The following STK39 variants were observed in gnomAD, a reference collection of about 807,000 sequenced individuals.
STK39 encodes STE20/SPS1-related proline-alanine-rich protein kinase.
STK39 carries 20 observed loss-of-function variants against 77.8 expected under a neutral mutation model. That is an observed-to-expected ratio of 0.26 (90% CI 0.18 to 0.37). The LOEUF is 0.37. Ranked by LOEUF, STK39 falls within the 10% of genes least tolerant of loss-of-function variation. The pLI is 1.00. For synonymous variants in STK39, 246 were observed against 234.1 expected (o/e 1.05, Z -0.47); for missense variants, 479 against 656.5 (o/e 0.73, Z 2.95).
At position 167,962,518 on chromosome 2, in the gene STK39, G is replaced by A. The variant is rs183961622; in HGVS notation, c.1563+2144C>T. Among the ~76,000 whole-genome samples the A allele has an allele frequency of 2.8e-3, 427 of 152,288 alleles. 1 individual carries two copies. Among genetic ancestry groups the A allele is most frequent in the Non-Finnish European group, 3.8e-3 (259 of 68,028 alleles). The stretch of plus-strand genomic sequence containing the variant: ...TTCGTTAACCATCTTTATCTTTGGG[G>A]AGAATAAGCCATCAATTTCCATTTA... On this transcript the variant is annotated intron_variant, in intron 17 of 17. Coordinates refer to ENST00000355999, the MANE Select transcript of STK39 (RefSeq NM_013233.3).
intron 10 of STK39, among the ~76,000 whole-genome samples, chr2:168,115,183 A>AG (rs2105477383): frequency 1.3e-5 from 2 of 152,360 alleles, no homozygotes; most frequent in East Asian, 3.9e-4. Context: ...CTGTAGATCT[A>AG]GGAAAAAAAA....
chr2:167,993,188 T>C (rs562744665), intron 16 of STK39, among the ~76,000 whole-genome samples: 29 of 152,358 alleles, frequency 1.9e-4, no homozygotes, highest in East Asian at 7.7e-4. Flanking sequence ...GGGAGTACTA[T>C]AGAGCTGGCA....
chr2:168,168,230 A>T (rs1688736650), intron 2 of STK39, among the ~76,000 whole-genome samples: 1 of 152,220 alleles, frequency 6.6e-6, no homozygotes, highest in Non-Finnish European at 1.5e-5. Flanking sequence ...ACATAAAACA[A>T]CAAAGCTGAG....
chr2:168,102,657 C>T (rs908553793), intron 10 of STK39, among the ~76,000 whole-genome samples: 6 of 152,032 alleles, frequency 3.9e-5, no homozygotes, highest in African/African-American at 1.2e-4. Context: ...CAGCCAGGTG[C>T]GGTGGCTCAC....
intron 1 of STK39, among the ~76,000 whole-genome samples, chr2:168,226,100 A>G (rs1574572599): frequency 6.6e-6 from 1 of 152,194 alleles, no homozygotes; most frequent in African/African-American, 2.4e-5. Flanking sequence ...ATGCACAGAT[A>G]GTAGGTAAGA....
At chr2:168,227,984 G>A (rs1386460326) in intron 1 of STK39, among the ~76,000 whole-genome samples, 1 of 152,128 alleles carries the variant, frequency 6.6e-6, no homozygotes, top group African/African-American at 2.4e-5. Flanking sequence ...AATCAACGAA[G>A]TGCCAAATAT....
chr2:168,165,771 AAG>A (rs1574519430), intron 3 of STK39, among the ~76,000 whole-genome samples: 2 of 151,674 alleles, frequency 1.3e-5, no homozygotes, highest in Non-Finnish European at 2.9e-5. Flanking sequence ...TGCTTGATCC[AAG>A]AGAGTTTCCT....
At chr2:168,045,816 C>T (rs1685224991) in intron 14 of STK39, among the ~76,000 whole-genome samples, 1 of 152,162 alleles carries the variant, frequency 6.6e-6, no homozygotes, top group East Asian at 1.9e-4. Flanking sequence ...CATCTGACTC[C>T]TCCAACTCCT....
At chr2:168,211,164 T>C (rs1010053195) in intron 1 of STK39, among the ~76,000 whole-genome samples, 46 of 152,162 alleles carry the variant, frequency 3.0e-4, no homozygotes, top group African/African-American at 1.0e-3. Context: ...TAGCTATAAA[T>C]CTAGACAATA....
intron 2 of STK39, among the ~76,000 whole-genome samples, chr2:168,176,585 A>G (rs1688961757): frequency 6.6e-6 from 1 of 152,224 alleles, no homozygotes; most frequent in Non-Finnish European, 1.5e-5. Context: ...AAACAACGCT[A>G]CAGCAGAAAG....
rs116321783 is a variant in STK39 at position 168,010,662 on chromosome 2, T to C, written c.1498+1972A>G. On this transcript the variant is annotated intron_variant, in intron 16 of 17. Transcript: ENST00000355999. ...ACTTGGCAAAGGAGTTGGAGCTTCA[T>C]TGTGAAATCAATGTGTAGAGTTAAT... is the stretch of plus-strand genomic sequence containing the variant. Among the ~76,000 whole-genome samples, 1,217 of 152,350 alleles carry C rather than the reference T, an allele frequency of 8.0e-3. 7 individuals are homozygous for C. Among genetic ancestry groups the C allele is most frequent in the Non-Finnish European group, 0.012 (828 of 68,026 alleles).
At chr2:168,139,643 A>G (rs1687928931) in intron 7 of STK39, among the ~76,000 whole-genome samples, 1 of 152,140 alleles carries the variant, frequency 6.6e-6, no homozygotes, top group South Asian at 2.1e-4. Flanking sequence ...ATCATAGACC[A>G]TACTCTATGT....
intron 1 of STK39, among the ~76,000 whole-genome samples, chr2:168,215,899 C>T (rs1028512703): frequency 6.6e-6 from 1 of 152,164 alleles, no homozygotes; most frequent in African/African-American, 2.4e-5. Flanking sequence ...AAGTGCACCT[C>T]ACCCTGCTCT....
At chr2:168,102,201 C>G (rs766614501) in intron 10 of STK39, among the ~76,000 whole-genome samples, 5 of 151,762 alleles carry the variant, frequency 3.3e-5, no homozygotes, top group Non-Finnish European at 7.4e-5. Context: ...AATTTCTGGG[C>G]CATATGCTAA....
chr2:168,151,220 A>T (rs1688273065), intron 5 of STK39, among the ~76,000 whole-genome samples: 1 of 152,246 alleles, frequency 6.6e-6, no homozygotes, highest in African/African-American at 2.4e-5. Flanking sequence ...AGAGAATGAC[A>T]GTTTCACAGC....
At chr2:167,957,211 G>A (rs563924890) in intron 17 of STK39, among the ~76,000 whole-genome samples, 1 of 152,078 alleles carries the variant, frequency 6.6e-6, no homozygotes, top group Admixed American at 6.5e-5. Flanking sequence ...AAAGTCACTA[G>A]CCTAAAGGAT....
intron 1 of STK39, among the ~76,000 whole-genome samples, chr2:168,212,991 T>G (rs1689930200): frequency 6.6e-6 from 1 of 152,222 alleles, no homozygotes; most frequent in Non-Finnish European, 1.5e-5. Flanking sequence ...TTAGTCATAT[T>G]AAGTACATAA....
At chr2:168,234,205 C>T (rs950327663) in intron 1 of STK39, among the ~76,000 whole-genome samples, 45 of 152,142 alleles carry the variant, frequency 3.0e-4, no homozygotes, top group African/African-American at 1.1e-3. Flanking sequence ...TGAACATTTC[C>T]GAGAAATTAC....
intron 16 of STK39, among the ~76,000 whole-genome samples, chr2:168,000,318 G>A (rs5014866): frequency 0.34 from 52,375 of 151,942 alleles, 9,314 homozygotes; most frequent in East Asian, 0.4. Flanking sequence ...CTCATTCCTT[G>A]TCTAATAAAA....
Sources: allele counts gnomAD v4.1 joint callset (sites outside exome capture counted in the v4.1 genomes callset), GRCh38; gene constraint gnomAD v4.1.1; transcripts MANE v1.5; gene names NCBI Gene and HGNC (gene_info 2026-07-23, HGNC 2026-07-21).